The following TFB1M variants were observed in gnomAD, a reference collection of about 807,000 sequenced individuals.
The protein encoded by TFB1M is dimethyladenosine transferase 1, mitochondrial.
Under a neutral mutation model 31.1 loss-of-function variants are expected in TFB1M, and 27 were observed. That is an observed-to-expected ratio of 0.87 (90% CI 0.64 to 1.20). TFB1M has a LOEUF of 1.20. TFB1M is among the 50% of genes most tolerant of loss of function. The pLI is 0.00. For synonymous variants in TFB1M, 166 were observed against 151.8 expected (o/e 1.09, Z -0.69); for missense variants, 394 against 418.7 (o/e 0.94, Z 0.51).
At chr6:155,235,640 C>T in the TFB1M span, among the ~76,000 whole-genome samples, 1 of 152,200 alleles carries the variant, frequency 6.6e-6, no homozygotes, top group African/African-American at 2.4e-5. Context: ...TCCTTTTGGT[C>T]CCAAGTAATC....
At chr6:155,249,997 C>A in the TFB1M span, 1 of 1,570,244 alleles carries the variant, frequency 6.4e-7, no homozygotes, top group Non-Finnish European at 8.7e-7. Context: ...ACCCTGGGAG[C>A]CTAGTGCATG....
Position 155,296,850 on chromosome 6 carries a change from GAT to G in TFB1M, c.546+101_546+102del, listed in dbSNP as rs756268722. The G allele has an allele frequency of 3.7e-4, 412 of 1,120,566 alleles. 3 individuals carry two copies. The highest frequency in any genetic ancestry group is 5.4e-4 in the Middle Eastern group (2 of 3,702). The allele number at this position is 1,120,566 out of a possible 1,614,324, so 69.4% of individuals were successfully genotyped here. A position where few individuals can be genotyped will look rare whatever the true frequency, so the allele number is the denominator to read the frequency against. On this transcript the variant is annotated intron_variant, in intron 4 of 6. Transcript: ENST00000367166. ...TGCTGGGTTCTTGTGTGTGTAATAA[GAT>G]ATTAACTTAGAAAACACAGACTGTG...
chr6:155,250,833 G>C, the TFB1M span: 9 of 1,393,294 alleles, frequency 6.5e-6, no homozygotes, highest in East Asian at 2.1e-4. Context: ...AGCAATGACT[G>C]TGTGTACATC....
intron 4 of TFB1M, among the ~76,000 whole-genome samples, chr6:155,292,510 A>C (rs1366373718): frequency 1.3e-5 from 2 of 152,054 alleles, no homozygotes; most frequent in African/African-American, 2.4e-5. Flanking sequence ...CTTCCTCAGA[A>C]AGGGCATGAT....
chr6:155,307,139 ACAC>A (rs1777809210), intron 2 of TFB1M, among the ~76,000 whole-genome samples: 2 of 29,764 alleles, frequency 6.7e-5, no homozygotes, highest in Non-Finnish European at 9.3e-5. Flanking sequence ...AAACACATAC[ACAC>A]ACACACACAC....
the TFB1M span, among the ~76,000 whole-genome samples, chr6:155,241,304 T>C: frequency 1.3e-5 from 2 of 152,224 alleles, no homozygotes; most frequent in African/African-American, 4.8e-5. Flanking sequence ...TGAAGAATAC[T>C]GGAGCCTGGG....
At chr6:155,250,844 ACTAT>A in the TFB1M span, 1 of 1,460,812 alleles carries the variant, frequency 6.8e-7, no homozygotes, top group South Asian at 1.1e-5. Context: ...TGTGTACATC[ACTAT>A]CTAACAAGAG....
chr6:155,259,626 G>A (rs192435136), intron 6 of TFB1M, among the ~76,000 whole-genome samples: 26 of 152,356 alleles, frequency 1.7e-4, no homozygotes, highest in Non-Finnish European at 2.5e-4. Flanking sequence ...ATAGATTATC[G>A]TAGATGGAAA....
intron 5 of TFB1M, among the ~76,000 whole-genome samples, chr6:155,279,320 T>C (rs1167023388): frequency 1.3e-5 from 2 of 151,880 alleles, no homozygotes; most frequent in Admixed American, 1.3e-4. Flanking sequence ...GTCAGAAGAA[T>C]TGGGTACAAA....
intron 3 of TFB1M, among the ~76,000 whole-genome samples, chr6:155,297,343 T>C (rs1219743116): frequency 1.3e-5 from 2 of 152,292 alleles, no homozygotes; most frequent in East Asian, 1.9e-4. Context: ...GAAAAGTCCT[T>C]GAATTTCTGG....
At chr6:155,299,234 G>C (rs556454234) in intron 2 of TFB1M, among the ~76,000 whole-genome samples, 4 of 151,950 alleles carry the variant, frequency 2.6e-5, no homozygotes, top group Admixed American at 1.3e-4. Context: ...CTATTTCCAC[G>C]TACTAATCAT....
chr6:155,286,620 T>TATATATGTGTGC (rs1489128941), intron 4 of TFB1M, among the ~76,000 whole-genome samples: 12 of 141,260 alleles, frequency 8.5e-5, no homozygotes, highest in African/African-American at 1.3e-4. Context: ...TATATATGTG[T>TATATATGTGTGC]ATATATGTGT....
chr6:155,243,828 C>T, the TFB1M span, among the ~76,000 whole-genome samples: 2 of 104,934 alleles, frequency 1.9e-5, no homozygotes, highest in Non-Finnish European at 3.4e-5. Context: ...GCCTGGGTGA[C>T]AGAGCAAGAC....
downstream of TFB1M, chr6:155,253,151 C>G (rs967310469): frequency 9.7e-7 from 1 of 1,028,798 alleles, no homozygotes; most frequent in East Asian, 2.7e-5. Flanking sequence ...ATTTTTGGTG[C>G]CTTTTATTTT....
downstream of TFB1M, chr6:155,254,768 G>A (rs1583295283): frequency 3.3e-6 from 2 of 613,800 alleles, no homozygotes; most frequent in East Asian, 5.7e-5. Context: ...CCAACCCCCA[G>A]TCCCTTGTCT....
chr6:155,245,401 T>A, the TFB1M span, among the ~76,000 whole-genome samples: 1 of 152,236 alleles, frequency 6.6e-6, no homozygotes, highest in African/African-American at 2.4e-5. Flanking sequence ...GATTGCACAC[T>A]GTCAGTAGGC....
rs114296676 is a variant in TFB1M, at chr6:155,256,572, C to T, written c.*1264G>A. ...GCAAGGGAACCTTGCTGGACTCTGA[C>T]GAGGGCAGCTTGAGCAGCGGCACCC... On this transcript the variant is annotated 3_prime_UTR_variant, in exon 7 of 7. Coordinates refer to ENST00000367166, the MANE Select transcript of TFB1M (RefSeq NM_016020.4). 1.2e-5 allele frequency: 19 copies of T among 1,614,074 alleles called. No homozygotes were observed. The highest frequency in any genetic ancestry group is 4.0e-5 in the African/African-American group (3 of 74,930).
At chr6:155,260,609 C>G (rs1784352053) in intron 5 of TFB1M, 1 of 639,818 alleles carries the variant, frequency 1.6e-6, no homozygotes, top group African/African-American at 1.8e-5. Flanking sequence ...CCGGCTGCAC[C>G]TGTTCTCTAA....
chr6:155,275,969 A>G (rs1785181499), intron 5 of TFB1M: 1 of 1,614,180 alleles, frequency 6.2e-7, no homozygotes, highest in Non-Finnish European at 8.5e-7. Flanking sequence ...GAGAGCCACC[A>G]TGGTCCTGGC....
Sources: gnomAD v4.1 joint callset for allele counts (sites outside exome capture counted in the v4.1 genomes callset) on GRCh38, gnomAD v4.1.1 for gene constraint, MANE v1.5 for transcripts, NCBI Gene and HGNC (gene_info 2026-07-23, HGNC 2026-07-21) for gene names.